Variants in TTC6 observed in about 807,000 individuals in gnomAD.
TTC6 encodes the protein tetratricopeptide repeat protein 6.
TTC6 carries 172 observed loss-of-function variants against 210.4 expected under a neutral mutation model. That is an observed-to-expected ratio of 0.82 (90% CI 0.72 to 0.93). The LOEUF is 0.93. Among genes scored for constraint, TTC6 ranks in the 40% least tolerant of loss-of-function variants. The pLI is 0.00. For synonymous variants in TTC6, 804 were observed against 819.6 expected (o/e 0.98, Z 0.32); for missense variants, 2,414 against 2,318.1 (o/e 1.04, Z -0.85).
intron 13 of TTC6, among the ~76,000 whole-genome samples, chr14:37,752,250 G>A (rs1382327723): frequency 6.6e-6 from 1 of 152,018 alleles, no homozygotes; most frequent in Non-Finnish European, 1.5e-5. Context: ...TAAGAATTTA[G>A]AAGCAATTAT....
intron 3 of TTC6, among the ~76,000 whole-genome samples, chr14:37,694,380 T>A (rs944620224): frequency 1.3e-5 from 2 of 152,090 alleles, no homozygotes; most frequent in Admixed American, 1.3e-4. Flanking sequence ...TGAGATATTA[T>A]CCCAGCCCAG....
chr14:37,813,438 A>G (rs368126318), intron 25 of TTC6, among the ~76,000 whole-genome samples: 3 of 152,198 alleles, frequency 2.0e-5, no homozygotes, highest in African/African-American at 4.8e-5. Context: ...GAGGTGGGGA[A>G]CAAGGGACTG....
intron 1 of TTC6, 121 bp from the exon 4 acceptor site, chr14:37,680,030 C>G: frequency 3.4e-6 from 2 of 590,276 alleles, no homozygotes; most frequent in South Asian, 4.3e-5. Context: ...GTGTTATTGA[C>G]TAGTTTATAT....
chr14:37,819,471 A>AT (rs1566973025), intron 26 of TTC6, among the ~76,000 whole-genome samples: 2 of 152,266 alleles, frequency 1.3e-5, no homozygotes, highest in East Asian at 3.9e-4. Flanking sequence ...TATCCTTTGT[A>AT]TATCTCTGGT....
chr14:37,635,981 CAAAAAAAAAAA>C (rs71433909), intron 1 of TTC6, among the ~76,000 whole-genome samples: 1 of 70,354 alleles, frequency 1.4e-5, no homozygotes, highest in African/African-American at 6.7e-5. Flanking sequence ...ATTCCATTTC[CAAAAAAAAAAA>C]AAAAAAAAGA....
chr14:37,724,627 A>G (rs1477380628), intron 6 of TTC6, among the ~76,000 whole-genome samples: 2 of 152,176 alleles, frequency 1.3e-5, no homozygotes, highest in East Asian at 3.9e-4. Flanking sequence ...TTCCAGGAAG[A>G]TGTGGCACGT....
At chr14:37,648,257 C>T (rs867758214) in intron 1 of TTC6, among the ~76,000 whole-genome samples, 60 of 152,126 alleles carry the variant, frequency 3.9e-4, no homozygotes, top group African/African-American at 1.3e-3. Flanking sequence ...GCATGTTGTT[C>T]ACTATAGCTT....
At chr14:37,648,196 C>A (rs906599375) in intron 1 of TTC6, among the ~76,000 whole-genome samples, 4 of 152,098 alleles carry the variant, frequency 2.6e-5, no homozygotes, top group African/African-American at 9.7e-5. Flanking sequence ...AATAGGAGTT[C>A]TTGTTTTATC....
chr14:37,739,279 T>C (rs1336819509), intron 10 of TTC6, 124 bp downstream of exon 12: 7 of 1,032,278 alleles, frequency 6.8e-6, no homozygotes, highest in Non-Finnish European at 9.2e-6. Flanking sequence ...TTTCACTCTT[T>C]GAAAGACAAA....
chr14:37,670,701 C>T (rs1008770172), intron 1 of TTC6, among the ~76,000 whole-genome samples: 7 of 151,812 alleles, frequency 4.6e-5, no homozygotes, highest in Admixed American at 4.6e-4. Flanking sequence ...GAACCCCTGA[C>T]CTAGAGTGAT....
intron 12 of TTC6, 109 bp downstream of exon 14, chr14:37,749,952 A>T: frequency 1.3e-6 from 1 of 781,082 alleles, no homozygotes; most frequent in Non-Finnish European, 1.7e-6. Context: ...CCTGAAAATG[A>T]CTTTCCTCAG....
rs758894248 is a variant in TTC6 at position 37,727,515 on chromosome 14, G to C, written c.1818+2513G>C. Among the ~76,000 whole-genome samples the C allele has an allele frequency of 4.9e-5, 6 of 123,496 alleles. 1 individual carries two copies. The Middle Eastern group carries it at 0.015, about 314-fold the overall frequency. 81.0% of individuals were successfully genotyped at this position (123,496 alleles called of 152,430 possible). ...TCACTGTTTTAGCTAGGATGGTCTT[G>C]ATCTCCTGACCTTGTGATCCGCCCG... On this transcript the variant is annotated intron_variant, in intron 7 of 30. Transcript: ENST00000553443.
At chr14:37,690,815 A>G (rs1219435155) in intron 3 of TTC6, among the ~76,000 whole-genome samples, 1 of 151,862 alleles carries the variant, frequency 6.6e-6, no homozygotes, top group Non-Finnish European at 1.5e-5. Context: ...GACAGGTCTT[A>G]TAGACAGAAA....
intron 8 of TTC6, 69 bp downstream of exon 10, chr14:37,736,079 G>T: frequency 1.2e-6 from 1 of 823,652 alleles, no homozygotes; most frequent in Non-Finnish European, 1.9e-6. Flanking sequence ...TATTAATTAT[G>T]GTAATTCCAG....
intron 5 of TTC6, among the ~76,000 whole-genome samples, chr14:37,705,574 T>C (rs962403231): frequency 6.6e-6 from 1 of 152,168 alleles, no homozygotes; most frequent in Non-Finnish European, 1.5e-5. Flanking sequence ...TAAACATCTT[T>C]CCATGTCAAT....
intron 8 of TTC6, among the ~76,000 whole-genome samples, 171 bp downstream of exon 10, chr14:37,736,181 T>C (rs2095901078): frequency 6.6e-6 from 1 of 151,688 alleles, no homozygotes; most frequent in Non-Finnish European, 1.5e-5. Context: ...AGGCCAGGAG[T>C]TACAGACCAG....
Position 37,623,006 on chromosome 14 carries a change from A to G in TTC6, c.939+3A>G, listed in dbSNP as rs745510449. The G allele has an allele frequency of 1.2e-5, 17 of 1,456,876 alleles. No homozygotes were observed. In the South Asian group the frequency reaches 1.5e-4, roughly 13 times the overall value. 90.2% of individuals were successfully genotyped at this position (1,456,876 alleles called of 1,614,324 possible). A position where few individuals can be genotyped will look rare whatever the true frequency, so the allele number is the denominator to read the frequency against. ...AGAACTACGACATTACAATGGAAGT[A>G]GGTGAACCAAAACAAGAGTAACATT... On this transcript the variant is annotated splice_donor_region_variant and intron_variant, in intron 1 of 30. Transcript: ENST00000553443.
intron 14 of TTC6, among the ~76,000 whole-genome samples, chr14:37,767,644 G>T (rs1246536221): frequency 6.6e-6 from 1 of 152,080 alleles, no homozygotes; most frequent in Admixed American, 6.6e-5. Flanking sequence ...TTTTAATGGG[G>T]TTGTTTGTTT....
At chr14:37,706,870 G>A (rs973879377) in intron 5 of TTC6, among the ~76,000 whole-genome samples, 5 of 151,996 alleles carry the variant, frequency 3.3e-5, no homozygotes, top group African/African-American at 7.2e-5. Flanking sequence ...AGATTGCATA[G>A]ACTTAAATAT....
Sources: gnomAD v4.1 joint callset for allele counts (sites outside exome capture counted in the v4.1 genomes callset) on GRCh38, gnomAD v4.1.1 for gene constraint, MANE v1.5 for transcripts, NCBI Gene and HGNC (gene_info 2026-07-23, HGNC 2026-07-21) for gene names.